CFAP74: variants seen among roughly 807,000 people sequenced by gnomAD.
The protein encoded by CFAP74 is cilia- and flagella-associated protein 74.
Under a neutral mutation model 188.9 loss-of-function variants are expected in CFAP74, and 124 were observed. That is an observed-to-expected ratio of 0.66 (90% CI 0.57 to 0.76). The LOEUF (loss-of-function observed/expected upper bound fraction) is 0.76. Among genes scored for constraint, CFAP74 ranks in the 30% least tolerant of loss-of-function variants. CFAP74 has a pLI of 0.00. For missense variants in CFAP74, 2,198 were observed against 2,165.2 expected, an observed-to-expected ratio of 1.02 and a Z score of -0.30; for synonymous variants, 956 against 916.7, an observed-to-expected ratio of 1.04 and a Z score of -0.77.
Position 1,930,887 on chromosome 1 carries a change from C to T in CFAP74, c.3012-551G>A, listed in dbSNP as rs565743613. Reference sequence around the variant, plus strand: ...ATTATGAGCAAGTTGATTCCTGCCACCATCTATTAAAAAGAGGCCGGGACC... The same window carrying T: ...ATTATGAGCAAGTTGATTCCTGCCATCATCTATTAAAAAGAGGCCGGGACC... On this transcript the variant is annotated intron_variant, in intron 25 of 38. Transcript: ENST00000682832. Among the ~76,000 whole-genome samples, 45 of 152,278 alleles carry T rather than the reference C, an allele frequency of 3.0e-4. No individual in the cohort carries two copies. In the South Asian group the frequency reaches 4.1e-3, roughly 14 times the overall value.
chr1:1,940,068 T>C (rs1653258584), intron 23 of CFAP74, among the ~76,000 whole-genome samples: 1 of 148,852 alleles, frequency 6.7e-6, no homozygotes, highest in South Asian at 2.1e-4. Flanking sequence ...GCACCCCTCA[T>C]GTGTGCACAT....
Position 1,942,129 on chromosome 1 carries a change from G to C in CFAP74, c.2514C>G (p.Phe838Leu). 1 of 1,527,048 alleles carries C rather than the reference G, an allele frequency of 6.5e-7. No individual in the cohort carries two copies. The highest frequency in any genetic ancestry group is 8.7e-7 in the Non-Finnish European group (1 of 1,143,332). The allele number at this position is 1,527,048 out of a possible 1,614,324, so 94.6% of individuals were successfully genotyped here. Residue 838 changes from phenylalanine to leucine, a missense_variant, in exon 22 of 39, where the codon TTC becomes TTG. Transcript: ENST00000682832. This position sits in a 1 kb window ranked among gnomAD's most constrained non-coding sequence, Gnocchi z 4.3. ...TRSKAALRLK[F>L]EVCKELRAHL... ...GGGCCCTCAGCTCCTTGCACACCTC[G>C]AACTTCAGGCGCAGGGCAGCTTTCG...
At chr1:1,992,158 T>C (rs989810760) in intron 1 of CFAP74, among the ~76,000 whole-genome samples, 22 of 152,146 alleles carry the variant, frequency 1.4e-4, no homozygotes, top group Non-Finnish European at 3.1e-4. Context: ...TCTGGAACAC[T>C]GTTGGGCAAT....
chr1:1,933,940 C>T (rs1312894055), intron 25 of CFAP74, among the ~76,000 whole-genome samples: 1 of 152,218 alleles, frequency 6.6e-6, no homozygotes, highest in Admixed American at 6.5e-5. Context: ...CGAGGTGCTG[C>T]TCTGACAGCC....
At chr1:1,955,133 G>A (rs1057401086) in intron 18 of CFAP74, 37 of 1,287,622 alleles carry the variant, frequency 2.9e-5, no homozygotes, top group Admixed American at 2.8e-4. Flanking sequence ...GCTGCAGGGC[G>A]TGCGGAACGC....
chr1:1,963,912 C>T (rs759756662), intron 13 of CFAP74, 45 bp from the exon 14 acceptor site: 1 of 1,294,204 alleles, frequency 7.7e-7, no homozygotes, highest in Admixed American at 1.7e-5. Context: ...TCACAGGGGG[C>T]TGTGCTGTGA....
intron 9 of CFAP74, among the ~76,000 whole-genome samples, chr1:1,971,220 C>CGTGCACGCCTGCACACATAT (rs1656010317): frequency 6.6e-6 from 1 of 151,040 alleles, no homozygotes; most frequent in Non-Finnish European, 1.5e-5. Context: ...TGCACACATA[C>CGTGCACGCCTGCACACATAT]GCGTGCACGC....
rs139557683 is a variant in CFAP74 at position 1,948,509 on chromosome 1, G to A, written c.2177-1455C>T. Reference sequence around the variant, plus strand: ...ACATCTGCTTAAGCGATCCTCCTGCGTTGGCCCTCTAAAGTATTGGGATTA... The same window carrying A: ...ACATCTGCTTAAGCGATCCTCCTGCATTGGCCCTCTAAAGTATTGGGATTA... On this transcript the variant is annotated intron_variant, in intron 18 of 38. Transcript: ENST00000682832. Among the ~76,000 whole-genome samples, 368 of 150,730 alleles carry A rather than the reference G, an allele frequency of 2.4e-3. 2 individuals are homozygous for A. The highest frequency in any genetic ancestry group is 8.0e-3 in the African/African-American group (329 of 40,894).
In CFAP74 at chr1:1,993,901, G is replaced by A. The variant is rs541931928; in HGVS notation, c.-19-2926C>T. ...GGAGGCTGAGGCAGGAGAATGGCGT[G>A]AACCCGGGAGGCGGAGCTTGCAGTG... On this transcript the variant is annotated intron_variant, in intron 1 of 38. Coordinates refer to ENST00000682832, the MANE Select transcript of CFAP74 (RefSeq NM_001304360.2). Among the ~76,000 whole-genome samples the A allele has an allele frequency of 2.0e-5, 3 of 151,114 alleles. No individual in the cohort carries two copies. The South Asian group carries it at 6.3e-4, about 32-fold the overall frequency.
intron 17 of CFAP74, among the ~76,000 whole-genome samples, chr1:1,956,293 C>T (rs1297145589): frequency 6.6e-6 from 1 of 152,202 alleles, no homozygotes; most frequent in Non-Finnish European, 1.5e-5. Flanking sequence ...TCCTCCCACC[C>T]CCACACCTGG....
At position 1,922,690 on chromosome 1, in the gene CFAP74, G is replaced by A; in HGVS notation, c.4717C>T (p.Leu1573=). 6.2e-7 allele frequency: 1 copy of A among 1,601,486 alleles called. No individual in the cohort carries two copies. The highest frequency in any genetic ancestry group is 8.5e-7 in the Non-Finnish European group (1 of 1,173,082). The change falls in exon 38 of 39, where the codon CTG becomes TTG. Residue 1573 remains leucine (L), a synonymous_variant. Coordinates refer to ENST00000682832, the MANE Select transcript of CFAP74 (RefSeq NM_001304360.2). ...TCAATAGAGAAACCCTTGTGCTGCA[G>A]GGATGCGACGCTGTCTATGCTGAAC... is the stretch of plus-strand genomic sequence containing the variant. The part of the protein sequence containing the change: ...VEFSIDSVAS[L]QHKGFSIEPS...
intron 1 of CFAP74, among the ~76,000 whole-genome samples, chr1:1,999,637 T>C (rs1333972507): frequency 6.6e-6 from 1 of 151,546 alleles, no homozygotes; most frequent in East Asian, 2.0e-4. Context: ...GCCAACATGG[T>C]GAAACCCCGT....
intron 25 of CFAP74, 146 bp downstream of exon 25, chr1:1,938,709 T>C (rs1443848105): frequency 1.1e-6 from 1 of 930,956 alleles, no homozygotes; most frequent in Non-Finnish European, 1.6e-6. Flanking sequence ...TTGAGGTTCC[T>C]GCTGGCCGGC....
intron 6 of CFAP74, among the ~76,000 whole-genome samples, chr1:1,982,288 CGCGGGG>C (rs1656948103): frequency 1.2e-5 from 1 of 82,610 alleles, no homozygotes; most frequent in East Asian, 4.0e-4. Flanking sequence ...CGTGGTCACA[CGCGGGG>C]ACACGCAGGA....
chr1:1,926,543 G>A, intron 30 of CFAP74, 31 bp from the exon 31 acceptor site: 1 of 1,549,718 alleles, frequency 6.5e-7, no homozygotes, highest in Non-Finnish European at 8.7e-7. Flanking sequence ...TCAGGCCCCA[G>A]CCCCAGGCCC....
chr1:1,966,501 C>A lies in CFAP74; in HGVS notation c.1271G>T (p.Gly424Val). The change falls in exon 12 of 39, where the codon GGG becomes GTG. Residue 424 changes from glycine to valine, a missense_variant. Coordinates refer to ENST00000682832, the MANE Select transcript of CFAP74 (RefSeq NM_001304360.2). ...AACGACTTCCAGCAACCGAGAGGGC[C>A]CGGGGCCTGCAGCAGCCTCGTAGTC... The part of the protein sequence containing the change: ...TLDYEAAAGP[G>V]PSRLLEVVSS... 6.3e-7 allele frequency: 1 copy of A among 1,583,556 alleles called. No homozygotes were observed.
At chr1:1,981,353 G>A (rs1354524761) in intron 6 of CFAP74, among the ~76,000 whole-genome samples, 4 of 152,110 alleles carry the variant, frequency 2.6e-5, no homozygotes, top group East Asian at 3.9e-4. Context: ...GGGACCCAGC[G>A]GGAAAGCGCC....
intron 1 of CFAP74, among the ~76,000 whole-genome samples, chr1:1,991,849 C>A (rs1022394833): frequency 1.3e-5 from 2 of 151,852 alleles, no homozygotes; most frequent in African/African-American, 2.4e-5. Context: ...ACTATCCTGG[C>A]TAGCACAGTG....
rs184350936 is a variant in CFAP74 at position 1,950,531 on chromosome 1, G to A, written c.2177-3477C>T. On this transcript the variant is annotated intron_variant, in intron 18 of 38. Coordinates refer to ENST00000682832, the MANE Select transcript of CFAP74 (RefSeq NM_001304360.2). ...AGTTTTGTATTTTTAGTAGAGACGG[G>A]GTTTTGCCATGTTGGCCAGGCTGGT... Among the ~76,000 whole-genome samples the A allele has an allele frequency of 6.3e-3, 962 of 152,142 alleles. 11 individuals are homozygous for A. The highest frequency in any genetic ancestry group is 0.022 in the African/African-American group (924 of 41,508).
Sources: allele counts gnomAD v4.1 joint callset (sites outside exome capture counted in the v4.1 genomes callset), GRCh38; gene constraint gnomAD v4.1.1; non-coding constraint Gnocchi (gnomAD v3.1); transcripts MANE v1.5; gene names NCBI Gene and HGNC (gene_info 2026-07-23, HGNC 2026-07-21).